Variants in MYO1D observed in about 807,000 individuals in gnomAD.
MYO1D encodes the protein unconventional myosin-Id.
MYO1D carries 83 observed loss-of-function variants against 122.0 expected under a neutral mutation model. That is an observed-to-expected ratio of 0.68 (90% confidence interval 0.57 to 0.82). MYO1D has a LOEUF of 0.82. Among genes scored for constraint, MYO1D ranks in the 40% least tolerant of loss-of-function variants. The pLI, the probability that MYO1D is intolerant of heterozygous loss-of-function variation, is 0.00. For synonymous variants in MYO1D, 464 were observed against 446.9 expected, an observed-to-expected ratio of 1.04 and a Z score of -0.48; for missense variants, 1,157 against 1,269.5, an observed-to-expected ratio of 0.91 and a Z score of 1.35.
intron 1 of MYO1D, among the ~76,000 whole-genome samples, chr17:32,800,435 T>C (rs547004252): frequency 1.3e-5 from 2 of 152,246 alleles, no homozygotes; most frequent in South Asian, 4.2e-4. Flanking sequence ...CTAAGTAGAA[T>C]AAGCCAGGCA....
At chr17:32,508,594 A>G (rs1005220403) in intron 21 of MYO1D, among the ~76,000 whole-genome samples, 7 of 152,220 alleles carry the variant, frequency 4.6e-5, no homozygotes, top group Non-Finnish European at 5.9e-5. Flanking sequence ...GTATCTTGTT[A>G]TGGCAGCCTG....
intron 16 of MYO1D, among the ~76,000 whole-genome samples, chr17:32,687,218 A>C (rs2089027795): frequency 1.4e-5 from 2 of 140,354 alleles, no homozygotes; most frequent in Non-Finnish European, 1.5e-5. Flanking sequence ...TTTTTCTGAG[A>C]CAGAGTCTCA....
intron 1 of MYO1D, among the ~76,000 whole-genome samples, chr17:32,839,974 TAGAA>T (rs1231412492): frequency 2.6e-5 from 4 of 152,222 alleles, no homozygotes; most frequent in African/African-American, 9.6e-5. Context: ...CGTCTCCTTT[TAGAA>T]AGAAAGAATA....
At chr17:32,641,473 G>A (rs977502738) in intron 19 of MYO1D, among the ~76,000 whole-genome samples, 14 of 152,226 alleles carry the variant, frequency 9.2e-5, no homozygotes, top group Admixed American at 5.9e-4. Context: ...TGGGTCAAAT[G>A]GTATTTCTAG....
At chr17:32,759,843 G>A in intron 10 of MYO1D, 1 of 404,892 alleles carries the variant, frequency 2.5e-6, no homozygotes, top group Non-Finnish European at 4.4e-6. Flanking sequence ...TAATGTGTAG[G>A]TTTCAGAGAA....
At chr17:32,712,334 G>C in intron 15 of MYO1D, 139 bp from the exon 16 acceptor site, 1 of 753,410 alleles carries the variant, frequency 1.3e-6, no homozygotes. Flanking sequence ...AGCCTCATAA[G>C]GTATGCAAAA....
intron 19 of MYO1D, among the ~76,000 whole-genome samples, chr17:32,649,495 C>T (rs1235260420): frequency 1.3e-4 from 20 of 151,596 alleles, no homozygotes; most frequent in Admixed American, 1.2e-3. Flanking sequence ...ATAATATCAA[C>T]GTTCACCTTG....
intron 21 of MYO1D, among the ~76,000 whole-genome samples, chr17:32,518,132 C>A (rs562213025): frequency 2.0e-5 from 3 of 152,238 alleles, no homozygotes; most frequent in East Asian, 1.9e-4. Flanking sequence ...TCTGTCATCA[C>A]CCTCTGGACA....
chr17:32,838,808 T>C (rs981001197), intron 1 of MYO1D, among the ~76,000 whole-genome samples: 2 of 152,172 alleles, frequency 1.3e-5, no homozygotes, highest in Non-Finnish European at 2.9e-5. Context: ...ATGAGGAATA[T>C]TAACAACTGA....
Position 32,877,021 on chromosome 17 carries a change from C to A in MYO1D, c.-149G>T. ...CGCCGCTCGGCGGGTCCGGGCCGGA[C>A]AGAGGCCGCCTCGCTGCTCCTCGGC... On this transcript the variant is annotated 5_prime_UTR_variant, in exon 1 of 22. Coordinates refer to ENST00000318217, the MANE Select transcript of MYO1D (RefSeq NM_015194.3). 3.4e-6 allele frequency: 1 copy of A among 293,590 alleles called. No homozygotes were observed. Among genetic ancestry groups the A allele is most frequent in the South Asian group, 1.5e-4 (1 of 6,656 alleles). 18.2% of individuals were successfully genotyped at this position (293,590 alleles called of 1,614,324 possible). A position where few individuals can be genotyped will look rare whatever the true frequency, so the allele number is the denominator to read the frequency against.
At chr17:32,530,768 C>A (rs1910484905) in intron 21 of MYO1D, among the ~76,000 whole-genome samples, 1 of 151,850 alleles carries the variant, frequency 6.6e-6, no homozygotes. Flanking sequence ...GCCACTGCAC[C>A]CCAGCCTGGG....
At chr17:32,532,626 T>C (rs1910542801) in intron 21 of MYO1D, among the ~76,000 whole-genome samples, 1 of 148,798 alleles carries the variant, frequency 6.7e-6, no homozygotes, top group Non-Finnish European at 1.5e-5. Context: ...CTCGGGAGGC[T>C]GAGGCAGGAG....
intron 15 of MYO1D, among the ~76,000 whole-genome samples, chr17:32,716,928 G>A (rs191773661): frequency 6.6e-6 from 1 of 152,316 alleles, no homozygotes; most frequent in Admixed American, 6.5e-5. Flanking sequence ...TAGCTTTTAA[G>A]GTTATCAGCA....
At chr17:32,559,871 T>TG (rs1243415229) in intron 21 of MYO1D, among the ~76,000 whole-genome samples, 4 of 152,250 alleles carry the variant, frequency 2.6e-5, no homozygotes, top group Non-Finnish European at 5.9e-5. Flanking sequence ...AAGTATTTCT[T>TG]GACTCTTCAG....
intron 1 of MYO1D, among the ~76,000 whole-genome samples, chr17:32,809,318 G>T (rs1485094567): frequency 6.6e-6 from 1 of 151,560 alleles, no homozygotes; most frequent in Non-Finnish European, 1.5e-5. Flanking sequence ...AGACATGGGG[G>T]TCTTGTTATG....
chr17:32,865,318 C>T (rs971363141), intron 1 of MYO1D, among the ~76,000 whole-genome samples: 105 of 152,010 alleles, frequency 6.9e-4, no homozygotes, highest in African/African-American at 2.3e-3. Context: ...TACTCAAAGC[C>T]GACTTTGTGG....
intron 1 of MYO1D, among the ~76,000 whole-genome samples, chr17:32,827,057 G>C (rs1313260852): frequency 6.6e-6 from 1 of 152,148 alleles, no homozygotes; most frequent in Non-Finnish European, 1.5e-5. Context: ...CAAAAGAATT[G>C]AAAGTAGAGG....
chr17:32,804,207 T>C (rs953464521), intron 1 of MYO1D, among the ~76,000 whole-genome samples: 2 of 152,192 alleles, frequency 1.3e-5, no homozygotes, highest in African/African-American at 4.8e-5. Context: ...GCAAACACGA[T>C]GTAAACAGTT....
At position 32,857,454 on chromosome 17, in the gene MYO1D, G is replaced by A. The variant is rs142908195; in HGVS notation, c.95+19324C>T. 5.3e-5 allele frequency among the ~76,000 whole-genome samples: 8 copies of A among 152,056 alleles called. No homozygotes were observed. The East Asian group carries it at 5.8e-4, about 11-fold the overall frequency. On this transcript the variant is annotated intron_variant, in intron 1 of 21. Coordinates refer to ENST00000318217, the MANE Select transcript of MYO1D (RefSeq NM_015194.3). ...CAAAAAATTAGCTGGGCGTGGTGGC[G>A]GGCACCTGTAGTCCCAGCTACTCAG...
Sources: allele counts gnomAD v4.1 joint callset (sites outside exome capture counted in the v4.1 genomes callset), GRCh38; gene constraint gnomAD v4.1.1; transcripts MANE v1.5; gene names NCBI Gene and HGNC (gene_info 2026-07-23, HGNC 2026-07-21).